The following TPRX1 variants were observed in gnomAD, a reference collection of about 807,000 sequenced individuals.
The protein encoded by TPRX1 is tetrapeptide repeat homeobox 1, also known as tetra-peptide repeat homeobox protein 1.
Under a neutral mutation model 8.1 loss-of-function variants are expected in TPRX1, and 2 were observed. The ratio of observed to expected loss-of-function variants is 0.25; its 90% confidence interval spans 0.10 to 0.78. The LOEUF is 0.78. TPRX1 is among the 30% of genes least tolerant of loss of function. The pLI, the probability that TPRX1 is intolerant of heterozygous loss-of-function variation, is 0.70. For missense variants in TPRX1, 517 were observed against 586.9 expected, an observed-to-expected ratio of 0.88 and a Z score of 1.23; for synonymous variants, 257 against 254.1, an observed-to-expected ratio of 1.01 and a Z score of -0.11.
intron 2 of TPRX1, among the ~76,000 whole-genome samples, 39 bp downstream of exon 1, chr19:47,804,475 AG>A (rs1255701628): frequency 6.6e-6 from 1 of 152,182 alleles, no homozygotes; most frequent in Non-Finnish European, 1.5e-5. Flanking sequence ...CCTCAGCCAC[AG>A]GATCAGCCCA....
In TPRX1 at chr19:47,807,195, C is replaced by T. The variant is rs148171919; in HGVS notation, c.152-3522G>A. ...TGCTGGGATTACAGGTGTGAAACAC[C>T]GCGCCCGGCCAAAACCATTTCATTT... is the stretch of plus-strand genomic sequence containing the variant. On this transcript the variant is annotated intron_variant, in intron 2 of 3. Transcript: ENST00000535759. Among the ~76,000 whole-genome samples the T allele has an allele frequency of 9.6e-3, 1,463 of 152,086 alleles. 37 individuals carry two copies. Among genetic ancestry groups the T allele is most frequent in the Middle Eastern group, 0.061 (18 of 294 alleles).
rs112398946 is a variant in TPRX1 at position 47,813,073 on chromosome 19, C to G, written c.151+5395G>C. Among the ~76,000 whole-genome samples the G allele has an allele frequency of 4.0e-3, 610 of 151,052 alleles. 6 individuals are homozygous for G. Among genetic ancestry groups the G allele is most frequent in the African/African-American group, 0.014 (580 of 41,092 alleles). On this transcript the variant is annotated intron_variant, in intron 2 of 3. Coordinates refer to ENST00000535759, the Ensembl canonical transcript of TPRX1. Reference sequence around the variant, plus strand: ...AGTGAGATGAGCTCACACCACTGCACTCCAGCCTGGGCGACAGAGTGAGAC... The same window carrying G: ...AGTGAGATGAGCTCACACCACTGCAGTCCAGCCTGGGCGACAGAGTGAGAC...
chr19:47,818,208 TCACC>T (rs1967862092), intron 2 of TPRX1, among the ~76,000 whole-genome samples: 1 of 149,006 alleles, frequency 6.7e-6, no homozygotes. Context: ...CATCCATCCA[TCACC>T]CATCCATCCA....
chr19:47,802,908 C>T (rs1032720398), exon 4 of TPRX1: 35 of 1,563,074 alleles, frequency 2.2e-5, no homozygotes, highest in Non-Finnish European at 3.0e-5. Context: ...CCTCTCTGCC[C>T]AGGGACGCGC....
At chr19:47,817,784 G>A (rs560866778) in intron 2 of TPRX1, among the ~76,000 whole-genome samples, 2 of 152,322 alleles carry the variant, frequency 1.3e-5, no homozygotes, top group East Asian at 1.9e-4. Flanking sequence ...CCAAGGCCAC[G>A]CAGTGAGAAA....
chr19:47,815,163 T>TATATATATATGCAAATATATATATATA (rs201060804), intron 2 of TPRX1, among the ~76,000 whole-genome samples: 1 of 86,298 alleles, frequency 1.2e-5, no homozygotes, highest in African/African-American at 5.6e-5. Flanking sequence ...TATATATATA[T>TATATATATATGCAAATATATATATATA]TTTTTTTTTT....
chr19:47,818,668 G>C, intron 1 of TPRX1: 1 of 399,764 alleles, frequency 2.5e-6, no homozygotes, highest in Non-Finnish European at 5.0e-6. Flanking sequence ...AGCCTGGAGT[G>C]AAACTCATCA....
At chr19:47,808,031 G>A (rs1279487334) in intron 2 of TPRX1, among the ~76,000 whole-genome samples, 2 of 152,128 alleles carry the variant, frequency 1.3e-5, no homozygotes, top group Admixed American at 1.3e-4. Flanking sequence ...TGGGGTTTAA[G>A]CGATCCTGCA....
exon 4 of TPRX1, chr19:47,802,071 AGCCTGGGCCTGAGCCTGG>A: frequency 6.3e-7 from 1 of 1,591,972 alleles, no homozygotes; most frequent in Admixed American, 1.7e-5. Context: ...ACTGAGCCTG[AGCCTGGGCCTGAGCCTGG>A]GCCTAAAATC....
intron 2 of TPRX1, among the ~76,000 whole-genome samples, chr19:47,817,616 C>T (rs1003034757): frequency 4.6e-5 from 7 of 152,216 alleles, no homozygotes; most frequent in African/African-American, 1.2e-4. Context: ...CCCCGAGCCC[C>T]GCTCTTCACC....
exon 4 of TPRX1, chr19:47,802,478 G>C (rs1480870746): frequency 3.2e-6 from 5 of 1,543,296 alleles, no homozygotes; most frequent in Non-Finnish European, 4.4e-6. Flanking sequence ...GCCTGGGATC[G>C]GGCCTGGGTT....
chr19:47,807,612 A>G (rs559256111), intron 2 of TPRX1, among the ~76,000 whole-genome samples: 3 of 152,294 alleles, frequency 2.0e-5, no homozygotes, highest in East Asian at 3.9e-4. Flanking sequence ...GCCTCAAGTA[A>G]TTCGCTCTCC....
intron 2 of TPRX1, among the ~76,000 whole-genome samples, chr19:47,812,363 G>A (rs1002853374): frequency 1.3e-5 from 2 of 152,024 alleles, no homozygotes; most frequent in African/African-American, 4.8e-5. Context: ...TTGGGAGGCT[G>A]AGGTGGGTGG....
chr19:47,804,531 G>C (rs1436379384), intron 2 of TPRX1, among the ~76,000 whole-genome samples: 3 of 152,196 alleles, frequency 2.0e-5, no homozygotes, highest in Non-Finnish European at 2.9e-5. Flanking sequence ...GATGACCAGG[G>C]TCTTGCATCC....
intron 2 of TPRX1, 57 bp from the exon 2 acceptor site, chr19:47,803,730 A>T: frequency 1.3e-6 from 1 of 762,156 alleles, no homozygotes; most frequent in South Asian, 1.6e-5. Context: ...CAGCCCCCCT[A>T]GGGACCCCGT....
chr19:47,812,761 TG>T (rs1268974243), intron 2 of TPRX1, among the ~76,000 whole-genome samples: 1 of 151,638 alleles, frequency 6.6e-6, no homozygotes. Context: ...CACTTCATCC[TG>T]GGCCACAGAG....
At chr19:47,813,716 C>A (rs1453302141) in intron 2 of TPRX1, among the ~76,000 whole-genome samples, 1 of 151,730 alleles carries the variant, frequency 6.6e-6, no homozygotes, top group East Asian at 1.9e-4. Context: ...GTCTGACAAG[C>A]AGAAGGAGTT....
At chr19:47,813,724 G>A (rs1425433183) in intron 2 of TPRX1, among the ~76,000 whole-genome samples, 1 of 151,438 alleles carries the variant, frequency 6.6e-6, no homozygotes, top group Admixed American at 6.6e-5. Flanking sequence ...AGCAGAAGGA[G>A]TTTTCATTAT....
chr19:47,813,170 C>T lies in TPRX1; in HGVS notation c.151+5298G>A, dbSNP rs547555961. On this transcript the variant is annotated intron_variant, in intron 2 of 3. Transcript: ENST00000535759. Reference sequence around the variant, plus strand: ...ATAAATAAAACAACCCCCCCCACCCCGCCAAAATTAGCCAGGCGGAGTGGC... The same window carrying T: ...ATAAATAAAACAACCCCCCCCACCCTGCCAAAATTAGCCAGGCGGAGTGGC... 4.5e-3 allele frequency among the ~76,000 whole-genome samples: 645 copies of T among 144,576 alleles called. 24 individuals carry two copies. The highest frequency in any genetic ancestry group is 0.016 in the African/African-American group (614 of 39,214). The allele number at this position is 144,576 out of a possible 152,430, so 94.8% of individuals were successfully genotyped here. A position where few individuals can be genotyped will look rare whatever the true frequency, so the allele number is the denominator to read the frequency against.
Sources: gnomAD v4.1 joint callset for allele counts (sites outside exome capture counted in the v4.1 genomes callset) on GRCh38, gnomAD v4.1.1 for gene constraint, MANE v1.5 for transcripts, NCBI Gene and HGNC (gene_info 2026-07-23, HGNC 2026-07-21) for gene names.